The following KLLN variants were observed in gnomAD, a reference collection of about 807,000 sequenced individuals.
KLLN encodes killin.
For missense variants in KLLN, 340 were observed against 241.3 expected, an observed-to-expected ratio of 1.41 and a Z score of -2.71; for synonymous variants, 142 against 102.2, an observed-to-expected ratio of 1.39 and a Z score of -2.35.
rs1858297163 is a variant in KLLN at position 87,862,597 on chromosome 10, C to G, written c.-110G>C. 5 of 1,048,510 alleles carry G rather than the reference C, an allele frequency of 4.8e-6. No homozygotes were observed. The highest frequency in any genetic ancestry group is 6.9e-6 in the Non-Finnish European group (5 of 727,504). The allele number at this position is 1,048,510 out of a possible 1,614,324, so 65.0% of individuals were successfully genotyped here. A position where few individuals can be genotyped will look rare whatever the true frequency, so the allele number is the denominator to read the frequency against. ...CCTGGAGCCCGAGGGGAAAGATGCT[C>G]GACTCTCTTGGGGGCACCGGAGCGG... On this transcript the variant is annotated 5_prime_UTR_variant, in exon 1 of 1. Coordinates refer to ENST00000445946, the MANE Select transcript of KLLN (RefSeq NM_001126049.2).
rs1261597861 is a variant in KLLN, at chr10:87,862,471, G to A, written c.17C>T (p.Pro6Leu). 16 of 1,548,616 alleles carry A rather than the reference G, an allele frequency of 1.0e-5. No homozygotes were observed. The highest frequency in any genetic ancestry group is 3.3e-4 in the Middle Eastern group (2 of 5,996). The change falls in exon 1 of 1, where the codon CCA (proline) becomes CTA (leucine). Residue 6 changes from proline to leucine, a missense_variant. Pro to Leu is a moderately conservative substitution (Grantham distance 98). Transcript: ENST00000445946. ...GGTCCGGCCGGGGCGCGCGGAGCCTGGCCCCGGGCGATCCATCCTGCCGGG... is the reference window on the plus strand; with the variant it reads ...GGTCCGGCCGGGGCGCGCGGAGCCTAGCCCCGGGCGATCCATCCTGCCGGG... MDRPGPGSARPGRTVH... is the reference protein window; with the variant it reads MDRPGLGSARPGRTVH...
In KLLN at chr10:87,863,245, C is replaced by T. The variant is rs867484392; in HGVS notation, c.-758G>A. 2 of 213,460 alleles carry T rather than the reference C, an allele frequency of 9.4e-6. No individual in the cohort carries two copies. The highest frequency in any genetic ancestry group is 8.7e-5 in the East Asian group (1 of 11,508). The allele number at this position is 213,460 out of a possible 1,614,324, so 13.2% of individuals were successfully genotyped here. On this transcript the variant is annotated 5_prime_UTR_variant, in exon 1 of 1. Coordinates refer to ENST00000445946, the MANE Select transcript of KLLN (RefSeq NM_001126049.2). ...TTTCTGGGCAGAGGCCGAGGCTTAG[C>T]TCGTTATCCTCGCCTCGCGTTGCTG...
Position 87,862,665 on chromosome 10 carries a change from C to A in KLLN, c.-178G>T. The stretch of plus-strand genomic sequence containing the variant: ...GGGGTGCGTCCCACTCACAGGGATC[C>A]TCTTTCAGTTCATTTAGATAGGTGC... On this transcript the variant is annotated 5_prime_UTR_variant, in exon 1 of 1. In the 5' UTR this introduces an upstream ATG that the reference lacks. Coordinates refer to ENST00000445946, the MANE Select transcript of KLLN (RefSeq NM_001126049.2). The A allele has an allele frequency of 1.6e-6, 1 of 619,532 alleles. No individual in the cohort carries two copies. The allele number at this position is 619,532 out of a possible 1,614,324, so 38.4% of individuals were successfully genotyped here.
At position 87,862,306 on chromosome 10, in the gene KLLN, A is replaced by T. The variant is rs569894367; in HGVS notation, c.182T>A (p.Phe61Tyr). Residue 61 changes from phenylalanine (F) to tyrosine (Y), a missense_variant, in exon 1 of 1, where the codon TTC becomes TAC. Phe to Tyr is a conservative substitution (Grantham distance 22, BLOSUM62 3). Transcript: ENST00000445946. ...KDTRATVGTT[F>Y]RRRSRVSLVG... ...TAGGGACACACGTGACCTCCTTCGG[A>T]AAGTAGTTCCGACTGTGGCCCGTGT... The T allele has an allele frequency of 6.4e-6, 10 of 1,551,724 alleles. No individual in the cohort carries two copies. Among genetic ancestry groups the T allele is most frequent in the South Asian group, 1.2e-5 (1 of 84,066 alleles).
Position 87,863,194 on chromosome 10 carries a change from A to C in KLLN, c.-707T>G. On this transcript the variant is annotated 5_prime_UTR_variant, in exon 1 of 1. Coordinates refer to ENST00000445946, the MANE Select transcript of KLLN (RefSeq NM_001126049.2). ...CATCAGTCCTCCACCCCCGCCCCAC[A>C]ACAGCCTACCCTGCCTCCGGCTGGG... 5.2e-6 allele frequency: 1 copy of C among 191,360 alleles called. No individual in the cohort carries two copies. The highest frequency in any genetic ancestry group is 1.2e-5 in the Non-Finnish European group (1 of 82,794). 11.9% of individuals were successfully genotyped at this position (191,360 alleles called of 1,614,324 possible).
rs1313256470 is a variant in KLLN at position 87,862,241 on chromosome 10, A to C, written c.247T>G (p.Ser83Ala). The C allele has an allele frequency of 6.4e-7, 1 of 1,551,574 alleles. No individual in the cohort carries two copies. The highest frequency in any genetic ancestry group is 1.4e-5 in the African/African-American group (1 of 73,028). ...LSKFPLPSDSSGGKSSSSFAR... is the reference protein window; with the variant it reads ...LSKFPLPSDSAGGKSSSSFAR... ...AAGGAAGAAGACGACTTGCCTCCGG[A>C]GCTATCACTGGGGAGTGGGAATTTG... Residue 83 changes from serine to alanine, a missense_variant, in exon 1 of 1, where the codon TCC (serine) becomes GCC (alanine). Ser to Ala is a moderately conservative substitution (Grantham distance 99). Coordinates refer to ENST00000445946, the MANE Select transcript of KLLN (RefSeq NM_001126049.2).
rs367958117 is a variant in KLLN at position 87,862,494 on chromosome 10, G to C, written c.-7C>G. ...CTGGCCCCGGGCGATCCATCCTGCC[G>C]GGTTTTCACGGCGGCCAAGGGGGGG... On this transcript the variant is annotated 5_prime_UTR_variant, in exon 1 of 1. Transcript: ENST00000445946. 5 of 1,537,470 alleles carry C rather than the reference G, an allele frequency of 3.3e-6. No homozygotes were observed. In the African/African-American group the frequency reaches 6.9e-5, roughly 21 times the overall value.
chr10:87,862,726 A>T lies in KLLN; in HGVS notation c.-239T>A, dbSNP rs1190951203. The T allele has an allele frequency of 1.8e-6, 1 of 557,350 alleles. No individual in the cohort carries two copies. Among genetic ancestry groups the T allele is most frequent in the African/African-American group, 1.9e-5 (1 of 53,130 alleles). The allele number at this position is 557,350 out of a possible 1,614,324, so 34.5% of individuals were successfully genotyped here. A position where few individuals can be genotyped will look rare whatever the true frequency, so the allele number is the denominator to read the frequency against. On this transcript the variant is annotated 5_prime_UTR_variant, in exon 1 of 1. Transcript: ENST00000445946. ...CTTGAAATTCAACGGCTATGTGTTC[A>T]CGTTCAGCACGCTCGGCTGAGAGCT... is the stretch of plus-strand genomic sequence containing the variant.
In KLLN at chr10:87,862,828, T is replaced by G; in HGVS notation, c.-341A>C. 1 of 384,330 alleles carries G rather than the reference T, an allele frequency of 2.6e-6. No individual in the cohort carries two copies. 23.8% of individuals were successfully genotyped at this position (384,330 alleles called of 1,614,324 possible). On this transcript the variant is annotated 5_prime_UTR_variant, in exon 1 of 1. Transcript: ENST00000445946. ...GCTGCAAGGGAGCCGGATGAGGTGA[T>G]ACACGCTGGCGACACAATAGCAGGT...
Position 87,861,936 on chromosome 10 carries a change from AGT to A in KLLN, c.*13_*14del, listed in dbSNP as rs1320293027. On this transcript the variant is annotated 3_prime_UTR_variant, in exon 1 of 1. Transcript: ENST00000445946. ...CAGAATAGGTCGATGTAGAGCAAGG[AGT>A]GAGTCTCAGGTCTCAGTCCTTTGGC... 6.9e-7 allele frequency: 1 copy of A among 1,453,576 alleles called. No individual in the cohort carries two copies. Among genetic ancestry groups the A allele is most frequent in the Non-Finnish European group, 9.1e-7 (1 of 1,100,564 alleles). The allele number at this position is 1,453,576 out of a possible 1,614,324, so 90.0% of individuals were successfully genotyped here.
Position 87,862,805 on chromosome 10 carries a change from T to G in KLLN, c.-318A>C. 4.5e-6 allele frequency: 2 copies of G among 444,052 alleles called. No individual in the cohort carries two copies. The highest frequency in any genetic ancestry group is 3.8e-5 in the Admixed American group (1 of 26,374). 27.5% of individuals were successfully genotyped at this position (444,052 alleles called of 1,614,324 possible). On this transcript the variant is annotated 5_prime_UTR_variant, in exon 1 of 1. Coordinates refer to ENST00000445946, the MANE Select transcript of KLLN (RefSeq NM_001126049.2). ...ACCGGGGAAGCGAGAGGTGGGGCGC[T>G]GCAAGGGAGCCGGATGAGGTGATAC...
In KLLN at chr10:87,859,574, A is replaced by G. The variant is rs911127789; in HGVS notation, c.*2377T>C. 1 of 152,202 alleles carries G rather than the reference A, an allele frequency of 6.6e-6. No homozygotes were observed. The highest frequency in any genetic ancestry group is 6.5e-5 in the Admixed American group (1 of 15,286). 9.4% of individuals were successfully genotyped at this position (152,202 alleles called of 1,614,324 possible). On this transcript the variant is annotated 3_prime_UTR_variant, in exon 1 of 1. Coordinates refer to ENST00000445946, the MANE Select transcript of KLLN (RefSeq NM_001126049.2). ...TCGACATTATTTTGGTGTAGTAACA[A>G]TAGAGTTTTGGAATCAGCTGTTAGA... is the stretch of plus-strand genomic sequence containing the variant.
Position 87,862,144 on chromosome 10 carries a change from G to A in KLLN, c.344C>T (p.Ala115Val). ...GCGCTCCTTCGGGAGGCTGGTCCGA[G>A]CCCCTGTTTCCGCCGCGGCGCAGGA... ...NPSCAAAETGARTSLPKERCR... is the reference protein window; with the variant it reads ...NPSCAAAETGVRTSLPKERCR... Residue 115 changes from alanine to valine, a missense_variant, in exon 1 of 1, where the codon GCT becomes GTT. Ala to Val is a moderately conservative substitution (Grantham distance 64, BLOSUM62 0). Transcript: ENST00000445946. The A allele has an allele frequency of 1.9e-6, 3 of 1,550,688 alleles. No homozygotes were observed. The highest frequency in any genetic ancestry group is 2.6e-6 in the Non-Finnish European group (3 of 1,146,336).
rs587780001 is a variant in KLLN, at chr10:87,863,494, G to C, written c.-1007C>G. The C allele has an allele frequency of 1.4e-3, 548 of 383,564 alleles. 3 individuals are homozygous for C. The highest frequency in any genetic ancestry group is 1.5e-3 in the Non-Finnish European group (325 of 216,094). The allele number at this position is 383,564 out of a possible 1,614,324, so 23.8% of individuals were successfully genotyped here. On this transcript the variant is annotated 5_prime_UTR_variant, in exon 1 of 1. Transcript: ENST00000445946. ...TCTCGCTCGCCTCCCGCCTCCCCTC[G>C]GTCTTCCGAGGCGCCCGGGCTCCCG... is the stretch of plus-strand genomic sequence containing the variant.
At position 87,862,874 on chromosome 10, in the gene KLLN, A is replaced by G. The variant is rs567774730; in HGVS notation, c.-387T>C. On this transcript the variant is annotated 5_prime_UTR_variant, in exon 1 of 1. Transcript: ENST00000445946. ...CAGGTTGCTCTTTGTGCTAAGACTG[A>G]CACCATGAGGACACAGATTTGGGGG... 1.1e-5 allele frequency: 3 copies of G among 261,108 alleles called. No individual in the cohort carries two copies. The highest frequency in any genetic ancestry group is 5.0e-5 in the Admixed American group (1 of 20,134). 16.2% of individuals were successfully genotyped at this position (261,108 alleles called of 1,614,324 possible).
Position 87,862,593 on chromosome 10 carries a change from T to C in KLLN, c.-106A>G. The stretch of plus-strand genomic sequence containing the variant: ...CCGACCTGGAGCCCGAGGGGAAAGA[T>C]GCTCGACTCTCTTGGGGGCACCGGA... On this transcript the variant is annotated 5_prime_UTR_variant, in exon 1 of 1. Transcript: ENST00000445946. 8.4e-6 allele frequency: 9 copies of C among 1,066,978 alleles called. No homozygotes were observed. The South Asian group carries it at 1.4e-4, about 17-fold the overall frequency. 66.1% of individuals were successfully genotyped at this position (1,066,978 alleles called of 1,614,324 possible). A position where few individuals can be genotyped will look rare whatever the true frequency, so the allele number is the denominator to read the frequency against.
Position 87,862,612 on chromosome 10 carries a change from C to A in KLLN, c.-125G>T. ...GAAAGATGCTCGACTCTCTTGGGGGCACCGGAGCGGGCGCAGGAGAGGCCT... is the reference window on the plus strand; with the variant it reads ...GAAAGATGCTCGACTCTCTTGGGGGAACCGGAGCGGGCGCAGGAGAGGCCT... On this transcript the variant is annotated 5_prime_UTR_variant, in exon 1 of 1. Coordinates refer to ENST00000445946, the MANE Select transcript of KLLN (RefSeq NM_001126049.2). The A allele has an allele frequency of 2.2e-6, 2 of 913,296 alleles. No individual in the cohort carries two copies. The allele number at this position is 913,296 out of a possible 1,614,324, so 56.6% of individuals were successfully genotyped here. A position where few individuals can be genotyped will look rare whatever the true frequency, so the allele number is the denominator to read the frequency against.
chr10:87,862,390 T>G lies in KLLN; in HGVS notation c.98A>C (p.Gln33Pro), dbSNP rs1858284784. The G allele has an allele frequency of 1.3e-6, 2 of 1,551,576 alleles. No homozygotes were observed. The highest frequency in any genetic ancestry group is 1.2e-5 in the South Asian group (1 of 84,072). ...TCCTCGCCCCGCCCACTCGCTGGGC[T>G]GCAGCTTCCTACCGTTCCGTACTTT... The part of the protein sequence containing the change: ...EWKVRNGRKL[Q>P]PSEWAGRGDL... The change falls in exon 1 of 1, where the codon CAG (glutamine) becomes CCG (proline). Residue 33 changes from glutamine (Q) to proline (P), a missense_variant. Transcript: ENST00000445946.
rs1006598237 is a variant in KLLN, at chr10:87,860,317, T to G, written c.*1634A>C. ...ATGTTGCTGTTGGGCTGGCCAAATA[T>G]CTGCCAACATTGATGATCCTTTCAT... On this transcript the variant is annotated 3_prime_UTR_variant, in exon 1 of 1. Coordinates refer to ENST00000445946, the MANE Select transcript of KLLN (RefSeq NM_001126049.2). The G allele has an allele frequency of 6.6e-6, 1 of 152,334 alleles. No individual in the cohort carries two copies. The highest frequency in any genetic ancestry group is 2.1e-4 in the South Asian group (1 of 4,826). 9.4% of individuals were successfully genotyped at this position (152,334 alleles called of 1,614,324 possible).
Sources: gnomAD v4.1 joint callset for allele counts on GRCh38, gnomAD v4.1.1 for gene constraint, MANE v1.5 for transcripts, NCBI Gene and HGNC (gene_info 2026-07-23, HGNC 2026-07-21) for gene names.